The following PATJ variants were observed in gnomAD, a reference collection of about 807,000 sequenced individuals.
The protein encoded by PATJ is inaD-like protein.
PATJ carries 190 observed loss-of-function variants against 224.9 expected under a neutral mutation model. The observed-to-expected ratio is 0.84, with a 90% CI of 0.75 to 0.95. The LOEUF (loss-of-function observed/expected upper bound fraction) is 0.95, where lower values mean the gene tolerates loss of function less well. Among genes scored for constraint, PATJ ranks in the 40% least tolerant of loss-of-function variants. The probability of loss-of-function intolerance (pLI) is 0.00; values close to 1 mark genes in which losing one functional copy is unlikely to be tolerated. For synonymous variants in PATJ, 769 were observed against 820.3 expected (o/e 0.94, Z 1.07); for missense variants, 2,121 against 2,270.3 (o/e 0.93, Z 1.34).
At chr1:61,918,910 G>T (rs1673859862) in intron 26 of PATJ, among the ~76,000 whole-genome samples, 1 of 151,774 alleles carries the variant, frequency 6.6e-6, no homozygotes, top group African/African-American at 2.4e-5. Flanking sequence ...GTGAGCCATG[G>T]TCACACCACT....
chr1:61,826,751 A>G (rs1398227297), intron 15 of PATJ, among the ~76,000 whole-genome samples: 1 of 152,204 alleles, frequency 6.6e-6, no homozygotes, highest in Non-Finnish European at 1.5e-5. Context: ...TATTTTAAAA[A>G]TTATTTTAGT....
At chr1:61,819,083 C>T (rs746290695) in intron 14 of PATJ, among the ~76,000 whole-genome samples, 2 of 152,158 alleles carry the variant, frequency 1.3e-5, no homozygotes, top group Non-Finnish European at 2.9e-5. Context: ...TGCTCACCTC[C>T]CACAGCCATC....
At chr1:62,137,382 T>G (rs555111047) in intron 41 of PATJ, among the ~76,000 whole-genome samples, 93 of 105,962 alleles carry the variant, frequency 8.8e-4, no homozygotes, top group African/African-American at 3.2e-3. Flanking sequence ...GTGAGTTTCG[T>G]CGGAGGGGGG....
chr1:61,870,801 T>G (rs1452377894), intron 20 of PATJ, among the ~76,000 whole-genome samples: 1 of 152,214 alleles, frequency 6.6e-6, no homozygotes, highest in Non-Finnish European at 1.5e-5. Flanking sequence ...GGAGCTATAC[T>G]GTTCTCTACA....
chr1:62,070,279 C>G (rs554147117), intron 31 of PATJ, among the ~76,000 whole-genome samples: 6 of 152,258 alleles, frequency 3.9e-5, no homozygotes, highest in Admixed American at 2.0e-4. Context: ...TTCCCATGAG[C>G]CTTATTGACC....
rs201602925 is a variant in PATJ, at chr1:62,106,142, ATATG to A, written c.4378-2293_4378-2290del. On this transcript the variant is annotated intron_variant, in intron 33 of 43. Transcript: ENST00000642238. The stretch of plus-strand genomic sequence containing the variant: ...CACAAACACACATATATACATGTGT[ATATG>A]TGTGTGTGTGTGTATATATATATAT... 4.7e-4 allele frequency among the ~76,000 whole-genome samples: 30 copies of A among 64,200 alleles called. 1 individual carries two copies. The East Asian group carries it at 4.9e-3, about 10-fold the overall frequency. The allele number at this position is 64,200 out of a possible 152,430, so 42.1% of individuals were successfully genotyped here. A position where few individuals can be genotyped will look rare whatever the true frequency, so the allele number is the denominator to read the frequency against.
rs1307351666 is a variant in PATJ, at chr1:61,901,409, A to C, written c.3331A>C (p.Ser1111Arg). 9 of 1,584,158 alleles carry C rather than the reference A, an allele frequency of 5.7e-6. No individual in the cohort carries two copies. Among genetic ancestry groups the C allele is most frequent in the Non-Finnish European group, 6.8e-6 (8 of 1,170,354 alleles). The change falls in exon 24 of 44, where the codon AGT becomes CGT. Residue 1111 changes from serine (S) to arginine (R), a missense_variant. By Grantham distance (110) the Ser-to-Arg change is moderately radical. Coordinates refer to ENST00000642238, the MANE Select transcript of PATJ (RefSeq NM_001350145.3). ...ATTCATCAAACAAGTTTTAGAAGAC[A>C]GTCCAGCAGGGAAGACGAACGCACT... ...GIFIKQVLEDSPAGKTNALKT... is the reference protein window; with the variant it reads ...GIFIKQVLEDRPAGKTNALKT...
rs1558139503 is a variant in PATJ, at chr1:62,079,582, C to G, written c.4243+15C>G. ...CACAGGCTATGGTATGATTCTTTCTCTCAGCAGATCTGGCTCATTAAGCCT... is the reference window on the plus strand; with the variant it reads ...CACAGGCTATGGTATGATTCTTTCTGTCAGCAGATCTGGCTCATTAAGCCT... On this transcript the variant is annotated intron_variant, in intron 32 of 43. Transcript: ENST00000642238. 2.0e-6 allele frequency: 3 copies of G among 1,496,346 alleles called. No individual in the cohort carries two copies. Among genetic ancestry groups the G allele is most frequent in the Non-Finnish European group, 2.8e-6 (3 of 1,074,850 alleles). 92.7% of individuals were successfully genotyped at this position (1,496,346 alleles called of 1,614,324 possible). A position where few individuals can be genotyped will look rare whatever the true frequency, so the allele number is the denominator to read the frequency against.
chr1:61,837,090 A>C (rs1375517675), intron 17 of PATJ, among the ~76,000 whole-genome samples: 1 of 152,246 alleles, frequency 6.6e-6, no homozygotes, highest in Non-Finnish European at 1.5e-5. Flanking sequence ...AAATTACATT[A>C]ATCTATTTCA....
intron 7 of PATJ, among the ~76,000 whole-genome samples, chr1:61,777,724 T>TTTTTTTTTTTC (rs765662896): frequency 1.0e-4 from 11 of 106,032 alleles, no homozygotes; most frequent in Middle Eastern, 6.5e-3. Flanking sequence ...TTTTTTTTTT[T>TTTTTTTTTTTC]TTTAGCATAG....
chr1:61,980,459 GT>G (rs1644391006), intron 27 of PATJ, among the ~76,000 whole-genome samples: 1 of 149,302 alleles, frequency 6.7e-6, no homozygotes. Flanking sequence ...GTGTGTGTGT[GT>G]GTGTGTGTGT....
chr1:62,059,486 A>T (rs566260640), intron 31 of PATJ, among the ~76,000 whole-genome samples: 60 of 151,914 alleles, frequency 3.9e-4, no homozygotes, highest in Non-Finnish European at 7.8e-4. Context: ...GCATGGTGGC[A>T]CACATCTGTA....
chr1:61,815,000 G>T (rs1479718255), intron 14 of PATJ, among the ~76,000 whole-genome samples: 1 of 152,190 alleles, frequency 6.6e-6, no homozygotes, highest in African/African-American at 2.4e-5. Context: ...ATAGAGCTTA[G>T]ATTCTGCGAT....
At chr1:61,897,000 T>C (rs927411664) in intron 22 of PATJ, among the ~76,000 whole-genome samples, 1 of 152,146 alleles carries the variant, frequency 6.6e-6, no homozygotes, top group Admixed American at 6.5e-5. Flanking sequence ...TCTAAGTGCA[T>C]AATATATTGA....
chr1:62,053,549 G>A (rs1051536884), intron 31 of PATJ, among the ~76,000 whole-genome samples: 11 of 152,038 alleles, frequency 7.2e-5, no homozygotes, highest in Non-Finnish European at 1.6e-4. Flanking sequence ...GAGAAACCCC[G>A]TCTCTACTAA....
chr1:61,812,115 A>G (rs939086755), intron 14 of PATJ, among the ~76,000 whole-genome samples: 19 of 151,766 alleles, frequency 1.3e-4, no homozygotes, highest in Admixed American at 6.6e-4. Context: ...CTTTTCCTCT[A>G]TTTCTTCAAC....
intron 27 of PATJ, among the ~76,000 whole-genome samples, chr1:61,928,917 A>G (rs898329638): frequency 2.0e-5 from 3 of 152,194 alleles, no homozygotes; most frequent in Non-Finnish European, 4.4e-5. Flanking sequence ...CATGCATTCA[A>G]TAAATCTTTG....
At chr1:62,155,940 C>T (rs985631481) in intron 43 of PATJ, among the ~76,000 whole-genome samples, 1 of 150,958 alleles carries the variant, frequency 6.6e-6, no homozygotes, top group East Asian at 2.0e-4. Flanking sequence ...CGCCTGTAGT[C>T]CCAGCTACTC....
intron 29 of PATJ, among the ~76,000 whole-genome samples, chr1:62,032,887 T>C (rs1649599379): frequency 6.6e-6 from 1 of 152,150 alleles, no homozygotes; most frequent in Non-Finnish European, 1.5e-5. Context: ...CAAAGCACCT[T>C]CTTCACAAGG....
Sources: allele counts gnomAD v4.1 joint callset (sites outside exome capture counted in the v4.1 genomes callset), GRCh38; gene constraint gnomAD v4.1.1; transcripts MANE v1.5; gene names NCBI Gene and HGNC (gene_info 2026-07-23, HGNC 2026-07-21).